Variants in ATP10A observed in about 807,000 individuals in gnomAD.
The protein encoded by ATP10A is ATPase phospholipid transporting 10A (putative), also known as phospholipid-transporting ATPase VA.
A neutral mutation model predicts 147.8 loss-of-function variants in ATP10A; 111 were observed. The observed-to-expected ratio is 0.75, with a 90% CI of 0.64 to 0.88. The LOEUF (loss-of-function observed/expected upper bound fraction) is 0.88, where lower values mean the gene tolerates loss of function less well. Among genes scored for constraint, ATP10A ranks in the 40% least tolerant of loss-of-function variants. The pLI, the probability that ATP10A is intolerant of heterozygous loss-of-function variation, is 0.00. For missense variants in ATP10A, 1,927 were observed against 1,959.0 expected (o/e 0.98, Z 0.31); for synonymous variants, 875 against 841.6 (o/e 1.04, Z -0.69).
At chr15:25,824,555 G>T (rs931421198) in intron 1 of ATP10A, among the ~76,000 whole-genome samples, 7 of 10,656 alleles carry the variant, frequency 6.6e-4, no homozygotes, top group Middle Eastern at 0.12. Context: ...CACTTTTTGT[G>T]TGTGTTTTTT....
chr15:25,738,109 G>A lies in ATP10A; in HGVS notation c.655-1968C>T, dbSNP rs1164787900. Among the ~76,000 whole-genome samples, 3 of 150,524 alleles carry A rather than the reference G, an allele frequency of 2.0e-5. No individual in the cohort carries two copies. In the Admixed American group the frequency reaches 2.0e-4, roughly 10 times the overall value. ...ACACCTTCTGGATGAGGAAAATCCT[G>A]TTTACATTGCTTATTTCTAACAACA... On this transcript the variant is annotated intron_variant, in intron 2 of 20. Coordinates refer to ENST00000555815, the MANE Select transcript of ATP10A (RefSeq NM_024490.4).
chr15:25,753,793 A>T (rs1042531663), intron 2 of ATP10A, among the ~76,000 whole-genome samples: 2 of 149,444 alleles, frequency 1.3e-5, no homozygotes, highest in African/African-American at 2.4e-5. Context: ...ATATATATAT[A>T]TTTTAAAGAC....
At chr15:25,807,107 T>C (rs1164084973) in intron 1 of ATP10A, among the ~76,000 whole-genome samples, 1 of 152,200 alleles carries the variant, frequency 6.6e-6, no homozygotes, top group Non-Finnish European at 1.5e-5. Flanking sequence ...TTTTAAGGAA[T>C]GGCTGTGATG....
chr15:25,806,030 G>A (rs894007752), intron 1 of ATP10A, among the ~76,000 whole-genome samples: 1 of 152,118 alleles, frequency 6.6e-6, no homozygotes, highest in Non-Finnish European at 1.5e-5. Flanking sequence ...TTTTGGTCAT[G>A]CATCAAACAA....
At chr15:25,730,408 G>A (rs1220479409) in intron 3 of ATP10A, among the ~76,000 whole-genome samples, 1 of 152,116 alleles carries the variant, frequency 6.6e-6, no homozygotes, top group Non-Finnish European at 1.5e-5. Flanking sequence ...AGCACTGGCT[G>A]GCAGTGTCCC....
intron 2 of ATP10A, among the ~76,000 whole-genome samples, chr15:25,749,129 T>A (rs903758021): frequency 1.3e-5 from 2 of 149,052 alleles, no homozygotes; most frequent in Admixed American, 1.3e-4. Flanking sequence ...CAAGATCACC[T>A]ACTATGTCTC....
chr15:25,822,963 T>C (rs929203264), intron 1 of ATP10A, among the ~76,000 whole-genome samples: 1 of 152,080 alleles, frequency 6.6e-6, no homozygotes, highest in African/African-American at 2.4e-5. Flanking sequence ...AGTCATTTAA[T>C]CTAAATAACA....
chr15:25,830,042 T>C (rs1427091074), intron 1 of ATP10A, among the ~76,000 whole-genome samples: 1 of 152,026 alleles, frequency 6.6e-6, no homozygotes, highest in Admixed American at 6.6e-5. Flanking sequence ...TCGGTCACCA[T>C]CTGGAGGGAG....
intron 2 of ATP10A, among the ~76,000 whole-genome samples, chr15:25,779,067 G>T (rs1290158015): frequency 1.3e-5 from 2 of 151,838 alleles, no homozygotes; most frequent in Non-Finnish European, 2.9e-5. Flanking sequence ...AGTAGAGATG[G>T]GGTTTCACCA....
chr15:25,750,337 A>G (rs576213399), intron 2 of ATP10A, among the ~76,000 whole-genome samples: 1 of 152,260 alleles, frequency 6.6e-6, no homozygotes, highest in South Asian at 2.1e-4. Flanking sequence ...TTCTATACCC[A>G]GTAAAGATAT....
rs1458660760 is a variant in ATP10A at position 25,714,256 on chromosome 15, G to A, written c.1777-15C>T. 1.3e-6 allele frequency: 2 copies of A among 1,598,308 alleles called. No homozygotes were observed. Among genetic ancestry groups the A allele is most frequent in the Non-Finnish European group, 1.7e-6 (2 of 1,179,566 alleles). ...CTCACCCTCACCTGCAAGAGAAATGGTCAGAAGGCAGGTGAGGGAACTGCT... is the reference window on the plus strand; with the variant it reads ...CTCACCCTCACCTGCAAGAGAAATGATCAGAAGGCAGGTGAGGGAACTGCT... On this transcript the variant is annotated splice_polypyrimidine_tract_variant and intron_variant, in intron 9 of 20. Transcript: ENST00000555815.
intron 2 of ATP10A, among the ~76,000 whole-genome samples, chr15:25,759,882 G>A (rs915379705): frequency 1.3e-5 from 2 of 151,610 alleles, no homozygotes; most frequent in Non-Finnish European, 2.9e-5. Context: ...GTTTAATCAA[G>A]ATAATTTCTT....
chr15:25,690,171 A>G (rs980629902), intron 15 of ATP10A, among the ~76,000 whole-genome samples: 4 of 151,886 alleles, frequency 2.6e-5, no homozygotes, highest in African/African-American at 9.7e-5. Flanking sequence ...AACACGCACA[A>G]TGGAATCTAC....
Position 25,708,086 on chromosome 15 carries a change from T to C in ATP10A, c.2465A>G (p.Glu822Gly). The part of the protein sequence containing the change: ...CIAKRVLSKE[E>G]YACWLQSHLE... ...GTGGCTTTGCAACCAGCAGGCATAC[T>C]CTTCTTTACTCAGAACCTATGGGAG... Residue 822 changes from glutamate (E) to glycine (G), a missense_variant, in exon 12 of 21, where the codon GAG becomes GGG. Coordinates refer to ENST00000555815, the MANE Select transcript of ATP10A (RefSeq NM_024490.4). 6.2e-7 allele frequency: 1 copy of C among 1,614,102 alleles called. No individual in the cohort carries two copies. Among genetic ancestry groups the C allele is most frequent in the Non-Finnish European group, 8.5e-7 (1 of 1,179,992 alleles).
At chr15:25,748,419 TG>T (rs113891359) in intron 2 of ATP10A, among the ~76,000 whole-genome samples, 46,044 of 152,044 alleles carry the variant, frequency 0.3, 7,932 homozygotes, top group Non-Finnish European at 0.38. Context: ...TCAACTCAAC[TG>T]AAGCAGAATA....
At chr15:25,752,785 T>C (rs1382575236) in intron 2 of ATP10A, among the ~76,000 whole-genome samples, 1 of 152,174 alleles carries the variant, frequency 6.6e-6, no homozygotes, top group African/African-American at 2.4e-5. Context: ...AATTTGCCTA[T>C]CCATGAACAT....
At chr15:25,778,128 C>T (rs1037334309) in intron 2 of ATP10A, among the ~76,000 whole-genome samples, 10 of 152,142 alleles carry the variant, frequency 6.6e-5, no homozygotes, top group East Asian at 3.9e-4. Context: ...TGACACAGCC[C>T]GCTCTTCTCC....
intron 10 of ATP10A, among the ~76,000 whole-genome samples, chr15:25,713,312 T>C (rs765949703): frequency 3.9e-5 from 6 of 152,210 alleles, no homozygotes; most frequent in African/African-American, 7.2e-5. Context: ...CCCCATAAAC[T>C]GTGGCCTGGA....
At chr15:25,813,745 T>A (rs1052265007) in intron 1 of ATP10A, among the ~76,000 whole-genome samples, 1 of 151,874 alleles carries the variant, frequency 6.6e-6, no homozygotes, top group Admixed American at 6.6e-5. Flanking sequence ...ATGTCTCAGA[T>A]GAAAAACCCA....
Sources: allele counts gnomAD v4.1 joint callset (sites outside exome capture counted in the v4.1 genomes callset), GRCh38; gene constraint gnomAD v4.1.1; transcripts MANE v1.5; gene names NCBI Gene and HGNC (gene_info 2026-07-23, HGNC 2026-07-21).